Variants in NTRK2 observed in about 807,000 individuals in gnomAD.
NTRK2 encodes the protein neurotrophic receptor tyrosine kinase 2.
NTRK2 carries 13 observed loss-of-function variants against 94.5 expected under a neutral mutation model. That is an observed-to-expected ratio of 0.14 (90% CI 0.09 to 0.22). The LOEUF is 0.22. NTRK2 is among the 10% of genes least tolerant of loss of function. The pLI, the probability that NTRK2 is intolerant of heterozygous loss-of-function variation, is 1.00. For synonymous variants in NTRK2, 372 were observed against 407.4 expected, an observed-to-expected ratio of 0.91 and a Z score of 1.05; for missense variants, 639 against 1,071.2, an observed-to-expected ratio of 0.60 and a Z score of 5.63.
chr9:84,849,756 A>G (rs1257524939), intron 12 of NTRK2, among the ~76,000 whole-genome samples: 2 of 152,156 alleles, frequency 1.3e-5, no homozygotes, highest in Non-Finnish European at 2.9e-5. Flanking sequence ...AGAATGGGAG[A>G]CACGACTAAT....
rs74588660 is a variant in NTRK2 at position 84,882,850 on chromosome 9, G to A, written c.1633+15419G>A. On this transcript the variant is annotated intron_variant, in intron 14 of 18. Transcript: ENST00000277120. ...GCGATCTCGGCTCACTGAAACCTCC[G>A]CCTCCTGGGTTCAAGCGATTTTCCT... Among the ~76,000 whole-genome samples, 710 of 152,216 alleles carry A rather than the reference G, an allele frequency of 4.7e-3. 13 individuals are homozygous for A. Among genetic ancestry groups the A allele is most frequent in the Admixed American group, 0.038 (575 of 15,294 alleles).
At chr9:84,764,176 A>G (rs1481814919) in intron 12 of NTRK2, among the ~76,000 whole-genome samples, 1 of 152,214 alleles carries the variant, frequency 6.6e-6, no homozygotes, top group East Asian at 1.9e-4. Flanking sequence ...CCTTTTGAAG[A>G]TAGTGACCAC....
Position 84,727,813 on chromosome 9 carries a change from A to T in NTRK2, c.1013A>T (p.Asn338Ile), listed in dbSNP as rs192640311. The T allele has an allele frequency of 6.2e-7, 1 of 1,614,196 alleles. No homozygotes were observed. The highest frequency in any genetic ancestry group is 8.5e-7 in the Non-Finnish European group (1 of 1,180,032). The change falls in exon 9 of 19, where the codon AAT becomes ATT. Residue 338 changes from asparagine (N) to isoleucine (I), a missense_variant. By Grantham distance (149) the Asn-to-Ile change is moderately radical. Coordinates refer to ENST00000277120, the MANE Select transcript of NTRK2 (RefSeq NM_006180.6). ...ATCTGTACTAAAATACATGTTACCAATCACACGGAGTACCACGGCTGCCTC... is the reference window on the plus strand; with the variant it reads ...ATCTGTACTAAAATACATGTTACCATTCACACGGAGTACCACGGCTGCCTC... ...KYICTKIHVT[N>I]HTEYHGCLQL... is the part of the protein sequence containing the mutation.
At chr9:85,000,679 C>A (rs111555561) in intron 17 of NTRK2, among the ~76,000 whole-genome samples, 9 of 152,298 alleles carry the variant, frequency 5.9e-5, no homozygotes, top group African/African-American at 2.2e-4. Flanking sequence ...GACATCTTAG[C>A]TGCTTCCGAA....
chr9:84,897,461 C>G (rs11140802), intron 14 of NTRK2, among the ~76,000 whole-genome samples: 18,393 of 152,172 alleles, frequency 0.12, 1,334 homozygotes, highest in East Asian at 0.22. Flanking sequence ...AATCACCATG[C>G]CCTACTTCCC....
At chr9:84,872,257 T>C in intron 14 of NTRK2, 2 of 1,125,322 alleles carry the variant, frequency 1.8e-6, no homozygotes, top group Non-Finnish European at 2.2e-6. Flanking sequence ...CTGAGAAACT[T>C]TTTGACAGGG....
At chr9:84,798,828 A>G (rs1259382434) in intron 12 of NTRK2, among the ~76,000 whole-genome samples, 1 of 151,608 alleles carries the variant, frequency 6.6e-6, no homozygotes, top group African/African-American at 2.4e-5. Context: ...CACTTCAAGG[A>G]CAAAAGCTGA....
At chr9:84,909,077 C>G (rs1435887075) in intron 14 of NTRK2, among the ~76,000 whole-genome samples, 1 of 152,086 alleles carries the variant, frequency 6.6e-6, no homozygotes, top group Admixed American at 6.6e-5. Flanking sequence ...ATAGCTACAC[C>G]CACTTTCCTC....
At chr9:84,892,518 T>C (rs188400300) in intron 14 of NTRK2, among the ~76,000 whole-genome samples, 8 of 152,374 alleles carry the variant, frequency 5.3e-5, no homozygotes, top group African/African-American at 1.9e-4. Flanking sequence ...ACCTGGATTC[T>C]ACAATTAAGA....
At chr9:84,912,410 C>T (rs917747480) in intron 14 of NTRK2, among the ~76,000 whole-genome samples, 2 of 151,914 alleles carry the variant, frequency 1.3e-5, no homozygotes, top group African/African-American at 4.8e-5. Flanking sequence ...AGTTTGTCCT[C>T]GTATGGTTTT....
chr9:84,876,067 T>G (rs1038471290), intron 14 of NTRK2: 30 of 1,030,552 alleles, frequency 2.9e-5, no homozygotes, highest in Admixed American at 5.7e-5. Flanking sequence ...ATCAATATTC[T>G]TTCTTATGCT....
intron 12 of NTRK2, among the ~76,000 whole-genome samples, chr9:84,779,072 A>G (rs961388897): frequency 9.2e-5 from 14 of 152,174 alleles, no homozygotes; most frequent in Non-Finnish European, 1.5e-4. Flanking sequence ...TATTGATTAG[A>G]AGGCTTCAAT....
At chr9:84,786,238 A>G (rs1457295163) in intron 12 of NTRK2, among the ~76,000 whole-genome samples, 2 of 152,170 alleles carry the variant, frequency 1.3e-5, no homozygotes, top group Non-Finnish European at 2.9e-5. Context: ...TATTGCTATT[A>G]TTTATGGAGC....
In NTRK2 at chr9:84,673,980, G is replaced by T. The variant is rs554483980; in HGVS notation, c.212+3020G>T. 2.6e-5 allele frequency among the ~76,000 whole-genome samples: 4 copies of T among 152,314 alleles called. No individual in the cohort carries two copies. The South Asian group carries it at 8.3e-4, about 32-fold the overall frequency. ...ACATGCAATGGAATTCAAGAGTGAAGCCTGTTGTTGGAATTATGTAACTGG... is the reference window on the plus strand; with the variant it reads ...ACATGCAATGGAATTCAAGAGTGAATCCTGTTGTTGGAATTATGTAACTGG... On this transcript the variant is annotated intron_variant, in intron 2 of 18. Coordinates refer to ENST00000277120, the MANE Select transcript of NTRK2 (RefSeq NM_006180.6).
intron 12 of NTRK2, among the ~76,000 whole-genome samples, chr9:84,853,196 T>C (rs1403846777): frequency 6.6e-6 from 1 of 152,238 alleles, no homozygotes; most frequent in African/African-American, 2.4e-5. Flanking sequence ...TTCTCAGTCA[T>C]ATATGCCTAA....
At chr9:85,014,103 G>A (rs1414889797) in intron 17 of NTRK2, among the ~76,000 whole-genome samples, 2 of 152,132 alleles carry the variant, frequency 1.3e-5, no homozygotes, top group African/African-American at 4.8e-5. Context: ...TGATCCTTTG[G>A]GGAAGTAAGA....
chr9:84,934,705 T>C (rs895478124), intron 15 of NTRK2, among the ~76,000 whole-genome samples: 4 of 152,204 alleles, frequency 2.6e-5, no homozygotes, highest in African/African-American at 4.8e-5. Flanking sequence ...GGAAGGATTG[T>C]GGACTTCACT....
At chr9:84,696,392 A>G (rs992354696) in intron 2 of NTRK2, among the ~76,000 whole-genome samples, 1 of 152,256 alleles carries the variant, frequency 6.6e-6, no homozygotes, top group Non-Finnish European at 1.5e-5. Flanking sequence ...TAGATTGGAC[A>G]AATTTGGGGT....
At chr9:84,926,067 T>A (rs942374890) in intron 14 of NTRK2, among the ~76,000 whole-genome samples, 8 of 151,958 alleles carry the variant, frequency 5.3e-5, no homozygotes, top group African/African-American at 1.9e-4. Context: ...CCCTCCATAA[T>A]CCAGTCTCTT....
Sources: allele counts gnomAD v4.1 joint callset (sites outside exome capture counted in the v4.1 genomes callset), GRCh38; gene constraint gnomAD v4.1.1; transcripts MANE v1.5; gene names NCBI Gene and HGNC (gene_info 2026-07-23, HGNC 2026-07-21).